Variants in ADGRE5 observed in about 807,000 individuals in gnomAD.
ADGRE5 encodes CD97 molecule.
A neutral mutation model predicts 100.3 loss-of-function variants in ADGRE5; 72 were observed. The ratio of observed to expected loss-of-function variants is 0.72; its 90% CI spans 0.59 to 0.87. The LOEUF (loss-of-function observed/expected upper bound fraction) is 0.87. Ranked by LOEUF, ADGRE5 falls within the 40% of genes least tolerant of loss-of-function variation. The pLI is 0.00. For synonymous variants in ADGRE5, 439 were observed against 447.8 expected (o/e 0.98, Z 0.25); for missense variants, 959 against 1,094.7 (o/e 0.88, Z 1.75).
chr19:14,395,169 C>T (rs1599620960), intron 4 of ADGRE5, among the ~76,000 whole-genome samples: 1 of 152,202 alleles, frequency 6.6e-6, no homozygotes. Flanking sequence ...GGCGCAGTGG[C>T]ACGCACCTGT....
chr19:14,397,589 G>A (rs1975829585), intron 6 of ADGRE5, 69 bp from the exon 7 acceptor site: 27 of 1,608,200 alleles, frequency 1.7e-5, no homozygotes, highest in Non-Finnish European at 2.2e-5. Context: ...AATGAGCTGG[G>A]GGCACAGACA....
At position 14,388,838 on chromosome 19, in the gene ADGRE5, GCGCAGGGGACATC is replaced by G. The variant is rs1975456562; in HGVS notation, c.190+24_190+36del. The G allele has an allele frequency of 6.2e-7, 1 of 1,606,438 alleles. No individual in the cohort carries two copies. The highest frequency in any genetic ancestry group is 8.5e-7 in the Non-Finnish European group (1 of 1,173,710). ...GTGACGGTACAGAGGCTTGAGGGCA[GCGCAGGGGACATC>G]CGCGATTATGAGGCATTGCCCAGCC... On this transcript the variant is annotated intron_variant, in intron 3 of 19. Transcript: ENST00000242786.
chr19:14,404,774 C>A, intron 13 of ADGRE5: 1 of 529,990 alleles, frequency 1.9e-6, no homozygotes, highest in Non-Finnish European at 3.3e-6. Context: ...CAGCCACTAG[C>A]TCCGCTCCTC....
chr19:14,403,946 G>C (rs889400004), intron 12 of ADGRE5, among the ~76,000 whole-genome samples: 3 of 141,150 alleles, frequency 2.1e-5, no homozygotes, highest in African/African-American at 8.1e-5. Flanking sequence ...GCTCATTCTC[G>C]GCTCAGTGCA....
At chr19:14,407,312 G>C in intron 18 of ADGRE5, 83 bp downstream of exon 18, 1 of 1,496,818 alleles carries the variant, frequency 6.7e-7, no homozygotes, top group Non-Finnish European at 9.2e-7. Context: ...CTTGAGCCCA[G>C]AAGTTGGAGA....
intron 4 of ADGRE5, chr19:14,391,369 G>A (rs771998846): frequency 6.2e-5 from 26 of 420,908 alleles, no homozygotes; most frequent in Non-Finnish European, 1.0e-4. Flanking sequence ...ATGTGATAAC[G>A]TTATCATGCT....
rs556980549 is a variant in ADGRE5, at chr19:14,397,286, G to T, written c.625+63G>T. On this transcript the variant is annotated intron_variant, in intron 6 of 19. Coordinates refer to ENST00000242786, the MANE Select transcript of ADGRE5 (RefSeq NM_078481.4). ...AACATCTGATCACATGTTCAACGGC[G>T]CCCACACAAACCAAGCAGAATGAGC... The T allele has an allele frequency of 3.6e-5, 58 of 1,608,490 alleles. No individual in the cohort carries two copies. In the South Asian group the frequency reaches 5.3e-4, roughly 15 times the overall value.
rs937732867 is a variant in ADGRE5 at position 14,399,126 on chromosome 19, C to T, written c.897+987C>T. On this transcript the variant is annotated intron_variant, in intron 9 of 19. Coordinates refer to ENST00000242786, the MANE Select transcript of ADGRE5 (RefSeq NM_078481.4). ...CCTCCCAACATGCTGGGATCACAGG[C>T]GTGAGCCACTGTGTCTGGCCAGTTT... is the stretch of plus-strand genomic sequence containing the variant. 3.3e-4 allele frequency among the ~76,000 whole-genome samples: 50 copies of T among 151,694 alleles called. 2 individuals carry two copies. The highest frequency in any genetic ancestry group is 9.7e-4 in the African/African-American group (40 of 41,392).
At chr19:14,382,711 T>A (rs929555381) in intron 1 of ADGRE5, among the ~76,000 whole-genome samples, 23 of 46,192 alleles carry the variant, frequency 5.0e-4, no homozygotes, top group African/African-American at 2.5e-3. Flanking sequence ...AAAAACAAAT[T>A]TTTTTTTTTT....
intron 1 of ADGRE5, among the ~76,000 whole-genome samples, chr19:14,386,693 CA>C (rs1172800346): frequency 0.33 from 18,566 of 56,562 alleles, 1,088 homozygotes; most frequent in African/African-American, 0.37. Flanking sequence ...GACTCCGTCT[CA>C]AAAAAAAAAA....
intron 12 of ADGRE5, among the ~76,000 whole-genome samples, chr19:14,403,547 CCTCA>C (rs1401567306): frequency 1.2e-4 from 18 of 152,058 alleles, no homozygotes. Context: ...GAGACGGGGA[CCTCA>C]CTATTTTTCC....
rs991981323 is a variant in ADGRE5, at chr19:14,401,296, T to C, written c.898-90T>C. On this transcript the variant is annotated intron_variant, in intron 9 of 19. Coordinates refer to ENST00000242786, the MANE Select transcript of ADGRE5 (RefSeq NM_078481.4). This position sits in a 1 kb window ranked among gnomAD's most constrained non-coding sequence, Gnocchi z 4.1. The stretch of plus-strand genomic sequence containing the variant: ...TTCCCTTGTGCCTGTGGGTCTCCAG[T>C]GTGTCCCCTGGTAGGGGGTGACATC... 1 of 1,114,864 alleles carries C rather than the reference T, an allele frequency of 9.0e-7. No homozygotes were observed. The highest frequency in any genetic ancestry group is 2.4e-5 in the Admixed American group (1 of 41,682). The allele number at this position is 1,114,864 out of a possible 1,614,324, so 69.1% of individuals were successfully genotyped here. A position where few individuals can be genotyped will look rare whatever the true frequency, so the allele number is the denominator to read the frequency against.
At position 14,390,997 on chromosome 19, in the gene ADGRE5, C is replaced by G; in HGVS notation, c.264C>G (p.Ser88Arg). 1 of 1,614,206 alleles carries G rather than the reference C, an allele frequency of 6.2e-7. No individual in the cohort carries two copies. Among genetic ancestry groups the G allele is most frequent in the Non-Finnish European group, 8.5e-7 (1 of 1,180,052 alleles). ...KFSDCWNTEG[S>R]YDCVCSPGYE... is the part of the protein sequence containing the mutation. Reference sequence around the variant, plus strand: ...CGGACTGCTGGAACACAGAGGGGAGCTACGACTGCGTGTGCAGCCCGGGAT... The same window carrying G: ...CGGACTGCTGGAACACAGAGGGGAGGTACGACTGCGTGTGCAGCCCGGGAT... The change falls in exon 4 of 20, where the codon AGC becomes AGG. Residue 88 changes from serine (S) to arginine (R), a missense_variant. By Grantham distance (110) the Ser-to-Arg change is moderately radical. Transcript: ENST00000242786.
Position 14,406,270 on chromosome 19 carries a change from C to T in ADGRE5, c.1822-61C>T, listed in dbSNP as rs1976229997. On this transcript the variant is annotated intron_variant, in intron 14 of 19. Transcript: ENST00000242786. This position sits in a 1 kb window ranked among gnomAD's most constrained non-coding sequence, Gnocchi z 6.0. Reference sequence around the variant, plus strand: ...CTCGGGACCTGGCAGGCGACTGGCTCTGGCGCCGCATGCCCCTCCCCGCGC... The same window carrying T: ...CTCGGGACCTGGCAGGCGACTGGCTTTGGCGCCGCATGCCCCTCCCCGCGC... 3.0e-6 allele frequency: 4 copies of T among 1,325,464 alleles called. No individual in the cohort carries two copies. The highest frequency in any genetic ancestry group is 4.1e-6 in the Non-Finnish European group (4 of 972,258). 82.1% of individuals were successfully genotyped at this position (1,325,464 alleles called of 1,614,324 possible).
At chr19:14,404,645 C>A in intron 13 of ADGRE5, 83 bp downstream of exon 13, 4 of 1,362,518 alleles carry the variant, frequency 2.9e-6, no homozygotes, top group South Asian at 2.5e-5. Flanking sequence ...CTCCATGGAG[C>A]CCTACTGGTT....
chr19:14,402,324 A>G (rs1233232064), intron 11 of ADGRE5, among the ~76,000 whole-genome samples: 1 of 151,936 alleles, frequency 6.6e-6, no homozygotes, highest in Non-Finnish European at 1.5e-5. Flanking sequence ...AATCCCAGCT[A>G]CTTGGGAGGC....
Position 14,397,734 on chromosome 19 carries a change from C to T in ADGRE5, c.702C>T (p.Ser234=). The change falls in exon 7 of 20, where the codon AGC becomes AGT. Residue 234 remains serine (S), a synonymous_variant. Coordinates refer to ENST00000242786, the MANE Select transcript of ADGRE5 (RefSeq NM_078481.4). ...TVCFNTVGSY[S]CRCRPGWKPR... Reference sequence around the variant, plus strand: ...GCTTCAACACCGTGGGTTCATACAGCTGCCGCTGCCGCCCAGGCTGGAAGC... The same window carrying T: ...GCTTCAACACCGTGGGTTCATACAGTTGCCGCTGCCGCCCAGGCTGGAAGC... 2 of 1,415,098 alleles carry T rather than the reference C, an allele frequency of 1.4e-6. No individual in the cohort carries two copies. The highest frequency in any genetic ancestry group is 2.0e-6 in the Non-Finnish European group (2 of 1,019,280). 87.7% of individuals were successfully genotyped at this position (1,415,098 alleles called of 1,614,324 possible). A position where few individuals can be genotyped will look rare whatever the true frequency, so the allele number is the denominator to read the frequency against.
At position 14,401,800 on chromosome 19, in the gene ADGRE5, G is replaced by A. The variant is rs2146369616; in HGVS notation, c.1183+40G>A. On this transcript the variant is annotated intron_variant, in intron 11 of 19. Transcript: ENST00000242786. The surrounding 1 kb of genome is among the most constrained non-coding windows in gnomAD (Gnocchi z 4.1). ...CTGGAGGGGGAGCCCGTGGGAGAGA[G>A]ATGGAGGTGCTGGGATGGGGCCAGG... 4 of 1,382,994 alleles carry A rather than the reference G, an allele frequency of 2.9e-6. No individual in the cohort carries two copies. The East Asian group carries it at 9.4e-5, about 32-fold the overall frequency. 85.7% of individuals were successfully genotyped at this position (1,382,994 alleles called of 1,614,324 possible).
At position 14,408,221 on chromosome 19, in the gene ADGRE5, A is replaced by T; in HGVS notation, c.*100A>T. 2 of 1,303,470 alleles carry T rather than the reference A, an allele frequency of 1.5e-6. No homozygotes were observed. The highest frequency in any genetic ancestry group is 2.2e-6 in the Non-Finnish European group (2 of 918,922). The allele number at this position is 1,303,470 out of a possible 1,614,324, so 80.7% of individuals were successfully genotyped here. ...CTTCGTCCACCACTCTACTCCCTCCACCCTCCCTCCCTGATCCCGTGTGCC... is the reference window on the plus strand; with the variant it reads ...CTTCGTCCACCACTCTACTCCCTCCTCCCTCCCTCCCTGATCCCGTGTGCC... On this transcript the variant is annotated 3_prime_UTR_variant, in exon 20 of 20. Coordinates refer to ENST00000242786, the MANE Select transcript of ADGRE5 (RefSeq NM_078481.4).
Sources: allele counts gnomAD v4.1 joint callset (sites outside exome capture counted in the v4.1 genomes callset), GRCh38; gene constraint gnomAD v4.1.1; non-coding constraint Gnocchi (gnomAD v3.1); transcripts MANE v1.5; gene names NCBI Gene and HGNC (gene_info 2026-07-23, HGNC 2026-07-21).